DCDC2: variants seen among roughly 807,000 people sequenced by gnomAD.
DCDC2 encodes the protein doublecortin domain containing 2, also known as doublecortin domain-containing protein 2.
In DCDC2, 40 loss-of-function variants were observed where a neutral mutation model predicts 50.2. The observed-to-expected ratio is 0.80, with a 90% CI of 0.62 to 1.04. The LOEUF (loss-of-function observed/expected upper bound fraction) is 1.04, where lower values mean the gene tolerates loss of function less well. Among genes scored for constraint, DCDC2 ranks in the 50% least tolerant of loss-of-function variants. The pLI, the probability that DCDC2 is intolerant of heterozygous loss-of-function variation, is 0.00. For synonymous variants in DCDC2, 234 were observed against 210.6 expected (o/e 1.11, Z -0.96); for missense variants, 570 against 581.9 (o/e 0.98, Z 0.21).
chr6:24,334,517 A>C (rs920047898), intron 2 of DCDC2, among the ~76,000 whole-genome samples: 2 of 152,248 alleles, frequency 1.3e-5, no homozygotes, highest in Non-Finnish European at 2.9e-5. Flanking sequence ...AGCTGCTTTC[A>C]TGCTACCACA....
chr6:24,353,506 C>T, intron 2 of DCDC2, 63 bp downstream of exon 2: 5 of 1,022,180 alleles, frequency 4.9e-6, no homozygotes, highest in Non-Finnish European at 1.5e-6. Flanking sequence ...ATCTCTAAGA[C>T]ACACCATAAG....
chr6:24,203,465 C>T (rs1162751520), intron 8 of DCDC2, among the ~76,000 whole-genome samples: 1 of 152,178 alleles, frequency 6.6e-6, no homozygotes, highest in Non-Finnish European at 1.5e-5. Flanking sequence ...CCCTTTCTTA[C>T]ATCTTATAGA....
At chr6:24,313,824 A>G (rs917998964) in intron 2 of DCDC2, among the ~76,000 whole-genome samples, 14 of 152,210 alleles carry the variant, frequency 9.2e-5, no homozygotes, top group African/African-American at 3.1e-4. Context: ...TTCACCCACA[A>G]TGTGCTGGCT....
intron 2 of DCDC2, among the ~76,000 whole-genome samples, chr6:24,307,162 G>C (rs1355536579): frequency 1.3e-5 from 2 of 152,034 alleles, no homozygotes; most frequent in Non-Finnish European, 2.9e-5. Flanking sequence ...TCACTCCCTG[G>C]GGCTGTAAAC....
intron 7 of DCDC2, among the ~76,000 whole-genome samples, chr6:24,209,895 AATCT>A (rs562084435): frequency 1.8e-4 from 28 of 152,200 alleles, no homozygotes; most frequent in African/African-American, 6.0e-4. Context: ...AGCTCTTTCT[AATCT>A]ATCTTCTATA....
At chr6:24,271,532 G>A (rs1367106843) in intron 7 of DCDC2, among the ~76,000 whole-genome samples, 1 of 152,168 alleles carries the variant, frequency 6.6e-6, no homozygotes, top group Non-Finnish European at 1.5e-5. Flanking sequence ...CTCCAGGTCT[G>A]GCTCCTCCAG....
chr6:24,216,671 T>A lies in DCDC2; in HGVS notation c.923-11569A>T, dbSNP rs368417717. Reference sequence around the variant, plus strand: ...CCATCTCTTCTGACTCCTGCCTTTATCACAGATGTCAGCACCATAAAGCTT... The same window carrying A: ...CCATCTCTTCTGACTCCTGCCTTTAACACAGATGTCAGCACCATAAAGCTT... On this transcript the variant is annotated intron_variant, in intron 7 of 9. Coordinates refer to ENST00000378454, the MANE Select transcript of DCDC2 (RefSeq NM_016356.5). Among the ~76,000 whole-genome samples the A allele has an allele frequency of 8.9e-4, 136 of 152,374 alleles. No homozygotes were observed. In the South Asian group the frequency reaches 0.027, roughly 30 times the overall value.
At chr6:24,295,068 C>T (rs1164691903) in intron 4 of DCDC2, among the ~76,000 whole-genome samples, 1 of 152,092 alleles carries the variant, frequency 6.6e-6, no homozygotes, top group African/African-American at 2.4e-5. Flanking sequence ...ATACAAAAGT[C>T]CTCAACAAAA....
At chr6:24,256,610 A>T (rs1027902574) in intron 7 of DCDC2, among the ~76,000 whole-genome samples, 1 of 152,238 alleles carries the variant, frequency 6.6e-6, no homozygotes, top group African/African-American at 2.4e-5. Context: ...AAAAATAAAC[A>T]TGTAAAAGAA....
Position 24,221,770 on chromosome 6 carries a change from G to A in DCDC2, c.923-16668C>T, listed in dbSNP as rs746363781. Among the ~76,000 whole-genome samples the A allele has an allele frequency of 8.5e-5, 13 of 152,176 alleles. 1 individual carries two copies. The highest frequency in any genetic ancestry group is 1.9e-4 in the East Asian group (1 of 5,198). Reference sequence around the variant, plus strand: ...GAAGTTTAAATAACATGCCTAAGGCGGCATAGGCAGGAAGTGTTTGAGCCA... The same window carrying A: ...GAAGTTTAAATAACATGCCTAAGGCAGCATAGGCAGGAAGTGTTTGAGCCA... On this transcript the variant is annotated intron_variant, in intron 7 of 9. Transcript: ENST00000378454.
chr6:24,256,209 G>A (rs892381020), intron 7 of DCDC2, among the ~76,000 whole-genome samples: 1 of 151,038 alleles, frequency 6.6e-6, no homozygotes, highest in Admixed American at 6.6e-5. Context: ...TCAGAATCAA[G>A]GTTTTCTTCC....
intron 7 of DCDC2, among the ~76,000 whole-genome samples, chr6:24,221,967 G>T (rs540908933): frequency 6.6e-6 from 1 of 152,150 alleles, no homozygotes; most frequent in Non-Finnish European, 1.5e-5. Context: ...ATGTTACTTT[G>T]AACTTTTAGG....
In DCDC2 at chr6:24,358,039, G is replaced by GAA; in HGVS notation, c.-291_-290dup. Reference sequence around the variant, plus strand: ...ACACCAGGTTCACCTGCTACGGGCAGAATCAAGGTGGACAGCTTCTGAGCA... The same window carrying GAA: ...ACACCAGGTTCACCTGCTACGGGCAGAAAATCAAGGTGGACAGCTTCTGAGCA... On this transcript the variant is annotated 5_prime_UTR_variant, in exon 1 of 10. Coordinates refer to ENST00000378454, the MANE Select transcript of DCDC2 (RefSeq NM_016356.5). 1 of 1,141,722 alleles carries GAA rather than the reference G, an allele frequency of 8.8e-7. No individual in the cohort carries two copies. The highest frequency in any genetic ancestry group is 1.2e-6 in the Non-Finnish European group (1 of 825,170). The allele number at this position is 1,141,722 out of a possible 1,614,324, so 70.7% of individuals were successfully genotyped here.
intron 6 of DCDC2, among the ~76,000 whole-genome samples, chr6:24,278,985 GCCTGGGTGATCACA>G (rs1763416518): frequency 6.6e-6 from 1 of 152,188 alleles, no homozygotes; most frequent in Admixed American, 6.5e-5. Flanking sequence ...CCACAAGGCA[GCCTGGGTGATCACA>G]CCTTCCATGG....
intron 8 of DCDC2, among the ~76,000 whole-genome samples, chr6:24,179,955 A>AC (rs1761027415): frequency 6.8e-6 from 1 of 146,564 alleles, no homozygotes; most frequent in African/African-American, 2.5e-5. Flanking sequence ...CTCCATCTCA[A>AC]AAAAAAAAAA....
At chr6:24,349,142 G>A (rs1193421121) in intron 2 of DCDC2, among the ~76,000 whole-genome samples, 1 of 152,226 alleles carries the variant, frequency 6.6e-6, no homozygotes, top group Non-Finnish European at 1.5e-5. Context: ...TACAATGCCA[G>A]GTCAAAGCAG....
chr6:24,262,373 G>C (rs911688621), intron 7 of DCDC2, among the ~76,000 whole-genome samples: 1 of 152,244 alleles, frequency 6.6e-6, no homozygotes, highest in Non-Finnish European at 1.5e-5. Flanking sequence ...GAGGGCTAAA[G>C]TGCCAGAGCA....
intron 2 of DCDC2, among the ~76,000 whole-genome samples, chr6:24,349,665 T>C (rs1335436713): frequency 2.6e-5 from 4 of 151,832 alleles, no homozygotes; most frequent in African/African-American, 7.3e-5. Context: ...AAAGAGAGGA[T>C]TGGGAAGTCA....
chr6:24,340,470 A>C (rs553564555), intron 2 of DCDC2, among the ~76,000 whole-genome samples: 1 of 152,304 alleles, frequency 6.6e-6, no homozygotes, highest in Admixed American at 6.5e-5. Context: ...AAAACAAGCT[A>C]TGCATTTGCA....
Sources: gnomAD v4.1 joint callset for allele counts (sites outside exome capture counted in the v4.1 genomes callset) on GRCh38, gnomAD v4.1.1 for gene constraint, MANE v1.5 for transcripts, NCBI Gene and HGNC (gene_info 2026-07-23, HGNC 2026-07-21) for gene names.